Variants in BTG1 observed in about 807,000 individuals in gnomAD.
The protein encoded by BTG1 is protein BTG1.
Under a neutral mutation model 15.2 loss-of-function variants are expected in BTG1, and 2 were observed. That is an observed-to-expected ratio of 0.13 (90% CI 0.05 to 0.41). The LOEUF is 0.41. BTG1 is among the 10% of genes least tolerant of loss of function. The probability of loss-of-function intolerance (pLI) is 0.99; values close to 1 mark genes in which losing one functional copy is unlikely to be tolerated. For missense variants in BTG1, 149 were observed against 215.0 expected, an observed-to-expected ratio of 0.69 and a Z score of 1.92; for synonymous variants, 109 against 82.4, an observed-to-expected ratio of 1.32 and a Z score of -1.75.
rs544927217 is a variant in BTG1, at chr12:92,144,123, G to C, written c.473C>G (p.Thr158Arg). Residue 158 changes from threonine to arginine, a missense_variant, in exon 2 of 2, where the codon ACG becomes AGG. Physicochemically the swap from Thr to Arg is moderately conservative, Grantham distance 71. Coordinates refer to ENST00000256015, the MANE Select transcript of BTG1 (RefSeq NM_001731.3). ...CATATTGTAGTTTTTGGAAGGGCTC[G>C]TTCTGCCCAAGAGAAGTTCCTCCTT... ...SCKEELLLGRTSPSKNYNMMT... is the reference protein window; with the variant it reads ...SCKEELLLGRRSPSKNYNMMT... The C allele has an allele frequency of 4.3e-6, 7 of 1,613,478 alleles. No individual in the cohort carries two copies. Among genetic ancestry groups the C allele is most frequent in the Admixed American group, 1.7e-5 (1 of 60,010 alleles).
chr12:92,142,797 G>T lies in BTG1; in HGVS notation c.*1283C>A, dbSNP rs543966662. The T allele has an allele frequency of 4.3e-6, 1 of 232,872 alleles. No homozygotes were observed. Among genetic ancestry groups the T allele is most frequent in the Non-Finnish European group, 8.5e-6 (1 of 117,944 alleles). The allele number at this position is 232,872 out of a possible 1,614,324, so 14.4% of individuals were successfully genotyped here. ...TGTTTTTCAAAGGTGGGTCAGAATG[G>T]AACATTTATATCTTCACTTCAACAG... On this transcript the variant is annotated 3_prime_UTR_variant, in exon 2 of 2. Transcript: ENST00000256015.
At position 92,143,476 on chromosome 12, in the gene BTG1, A is replaced by T; in HGVS notation, c.*604T>A. ...GTGTCTTTTTAAGGGTCTTTTTTAA[A>T]GCCTGTTGCCATGGCAGATTCTGGT... On this transcript the variant is annotated 3_prime_UTR_variant, in exon 2 of 2. Transcript: ENST00000256015. The T allele has an allele frequency of 4.3e-6, 1 of 233,984 alleles. No individual in the cohort carries two copies. The highest frequency in any genetic ancestry group is 8.5e-6 in the Non-Finnish European group (1 of 118,266). The allele number at this position is 233,984 out of a possible 1,614,324, so 14.5% of individuals were successfully genotyped here.
rs1870232348 is a variant in BTG1 at position 92,141,610 on chromosome 12, G to A, written c.*2470C>T. ...ATAAAATATTTCAAAACATTCCCCA[G>A]AAACAGTGAACAAGAAATACATCAC... On this transcript the variant is annotated 3_prime_UTR_variant, in exon 2 of 2. Transcript: ENST00000256015. The A allele has an allele frequency of 8.7e-6, 2 of 230,862 alleles. No homozygotes were observed. Among genetic ancestry groups the A allele is most frequent in the South Asian group, 1.8e-4 (1 of 5,512 alleles). 14.3% of individuals were successfully genotyped at this position (230,862 alleles called of 1,614,324 possible).
rs1164471395 is a variant in BTG1, at chr12:92,141,824, T to A, written c.*2256A>T. The A allele has an allele frequency of 4.3e-6, 1 of 232,062 alleles. No individual in the cohort carries two copies. Among genetic ancestry groups the A allele is most frequent in the Non-Finnish European group, 8.5e-6 (1 of 117,378 alleles). The allele number at this position is 232,062 out of a possible 1,614,324, so 14.4% of individuals were successfully genotyped here. A position where few individuals can be genotyped will look rare whatever the true frequency, so the allele number is the denominator to read the frequency against. On this transcript the variant is annotated 3_prime_UTR_variant, in exon 2 of 2. Transcript: ENST00000256015. ...TAAACATTTTTATTAACTGTTTCCATCATTTTCAAAGATTGAAAAAGTCTG... is the reference window on the plus strand; with the variant it reads ...TAAACATTTTTATTAACTGTTTCCAACATTTTCAAAGATTGAAAAAGTCTG...
Position 92,145,667 on chromosome 12 carries a change from T to A in BTG1, c.-132A>T. On this transcript the variant is annotated 5_prime_UTR_variant, in exon 1 of 2. An upstream open reading frame in the 5' UTR loses its in-frame stop. Transcript: ENST00000256015. ...AGAGAGGGCGTGAGGGGCGGACGAC[T>A]ACTTTTGTCTTTCTTTCTTTAGACT... is the stretch of plus-strand genomic sequence containing the variant. The A allele has an allele frequency of 3.8e-6, 2 of 528,896 alleles. No homozygotes were observed. The highest frequency in any genetic ancestry group is 5.8e-6 in the Non-Finnish European group (2 of 342,094). The allele number at this position is 528,896 out of a possible 1,614,324, so 32.8% of individuals were successfully genotyped here. A position where few individuals can be genotyped will look rare whatever the true frequency, so the allele number is the denominator to read the frequency against.
At position 92,143,926 on chromosome 12, in the gene BTG1, TA is replaced by T; in HGVS notation, c.*153del. 7.0e-6 allele frequency: 6 copies of T among 860,258 alleles called. No homozygotes were observed. Among genetic ancestry groups the T allele is most frequent in the Admixed American group, 3.7e-5 (1 of 26,886 alleles). 53.3% of individuals were successfully genotyped at this position (860,258 alleles called of 1,614,324 possible). A position where few individuals can be genotyped will look rare whatever the true frequency, so the allele number is the denominator to read the frequency against. On this transcript the variant is annotated 3_prime_UTR_variant, in exon 2 of 2. Coordinates refer to ENST00000256015, the MANE Select transcript of BTG1 (RefSeq NM_001731.3). ...CTGTCCAAACTATGGCACTGTCACT[TA>T]AAATTTTTTTTTTTTTTACCATTCT...
In BTG1 at chr12:92,145,651, G is replaced by GT. The variant is rs1565856113; in HGVS notation, c.-117dup. ...CGGAAGGCTGAGAGGAAGAGAGGGC[G>GT]TGAGGGGCGGACGACTACTTTTGTC... is the stretch of plus-strand genomic sequence containing the variant. On this transcript the variant is annotated 5_prime_UTR_variant, in exon 1 of 2. Transcript: ENST00000256015. 9.3e-6 allele frequency: 6 copies of GT among 646,928 alleles called. No individual in the cohort carries two copies. Among genetic ancestry groups the GT allele is most frequent in the South Asian group, 6.7e-5 (1 of 14,934 alleles). The allele number at this position is 646,928 out of a possible 1,614,324, so 40.1% of individuals were successfully genotyped here.
intron 1 of BTG1, 61 bp from the exon 2 acceptor site, chr12:92,144,508 T>C (rs548608470): frequency 6.3e-7 from 1 of 1,591,224 alleles, no homozygotes; most frequent in Non-Finnish European, 8.5e-7. Context: ...CACTGCGGAT[T>C]CCTCCTACCC....
Position 92,141,925 on chromosome 12 carries a change from T to TA in BTG1, c.*2154dup, listed in dbSNP as rs1281231814. The TA allele has an allele frequency of 8.6e-6, 2 of 232,326 alleles. No individual in the cohort carries two copies. Among genetic ancestry groups the TA allele is most frequent in the Non-Finnish European group, 1.7e-5 (2 of 117,586 alleles). The allele number at this position is 232,326 out of a possible 1,614,324, so 14.4% of individuals were successfully genotyped here. On this transcript the variant is annotated 3_prime_UTR_variant, in exon 2 of 2. Transcript: ENST00000256015. ...AAAAAAAAAAAATGGTTGAGGTACT[T>TA]AGTTTCAATGGAGTTACCAGATGAA...
chr12:92,145,811 A>T lies in BTG1; in HGVS notation c.-276T>A. 3.8e-6 allele frequency: 1 copy of T among 260,686 alleles called. No individual in the cohort carries two copies. The highest frequency in any genetic ancestry group is 7.3e-6 in the Non-Finnish European group (1 of 137,506). The allele number at this position is 260,686 out of a possible 1,614,324, so 16.1% of individuals were successfully genotyped here. A position where few individuals can be genotyped will look rare whatever the true frequency, so the allele number is the denominator to read the frequency against. On this transcript the variant is annotated 5_prime_UTR_variant, in exon 1 of 2. Coordinates refer to ENST00000256015, the MANE Select transcript of BTG1 (RefSeq NM_001731.3). ...CCGCCTCCAGCTCCGCAGCATTCGA[A>T]GATCTCAATAGCTGCATTTCCAGCT...
Position 92,142,135 on chromosome 12 carries a change from T to C in BTG1, c.*1945A>G, listed in dbSNP as rs1303755640. 4.3e-6 allele frequency: 1 copy of C among 232,178 alleles called. No homozygotes were observed. The allele number at this position is 232,178 out of a possible 1,614,324, so 14.4% of individuals were successfully genotyped here. A position where few individuals can be genotyped will look rare whatever the true frequency, so the allele number is the denominator to read the frequency against. On this transcript the variant is annotated 3_prime_UTR_variant, in exon 2 of 2. Coordinates refer to ENST00000256015, the MANE Select transcript of BTG1 (RefSeq NM_001731.3). ...GTGTTGCGGGTCTACGAATTCTAAC[T>C]CTCGAGAATGGTGTGCCAATAATAT...
At position 92,143,471 on chromosome 12, in the gene BTG1, T is replaced by A. The variant is rs575176493; in HGVS notation, c.*609A>T. On this transcript the variant is annotated 3_prime_UTR_variant, in exon 2 of 2. Coordinates refer to ENST00000256015, the MANE Select transcript of BTG1 (RefSeq NM_001731.3). ...AGACAGTGTCTTTTTAAGGGTCTTT[T>A]TTAAAGCCTGTTGCCATGGCAGATT... The A allele has an allele frequency of 8.5e-6, 2 of 234,082 alleles. No individual in the cohort carries two copies. Among genetic ancestry groups the A allele is most frequent in the African/African-American group, 4.4e-5 (2 of 45,492 alleles). The allele number at this position is 234,082 out of a possible 1,614,324, so 14.5% of individuals were successfully genotyped here. A position where few individuals can be genotyped will look rare whatever the true frequency, so the allele number is the denominator to read the frequency against.
At position 92,140,911 on chromosome 12, in the gene BTG1, TA is replaced by T. The variant is rs1870172086; in HGVS notation, c.*3168del. 1 of 232,704 alleles carries T rather than the reference TA, an allele frequency of 4.3e-6. No homozygotes were observed. Among genetic ancestry groups the T allele is most frequent in the East Asian group, 6.1e-5 (1 of 16,472 alleles). The allele number at this position is 232,704 out of a possible 1,614,324, so 14.4% of individuals were successfully genotyped here. A position where few individuals can be genotyped will look rare whatever the true frequency, so the allele number is the denominator to read the frequency against. ...GAGGATTTTATCACATCATTTGAAA[TA>T]GGGGTGAAAAGGGGAGAGGAAGTAT... On this transcript the variant is annotated 3_prime_UTR_variant, in exon 2 of 2. Coordinates refer to ENST00000256015, the MANE Select transcript of BTG1 (RefSeq NM_001731.3).
chr12:92,142,061 CAGAAT>C lies in BTG1; in HGVS notation c.*2014_*2018del. ...TTTGAAATACCGAGGAGCTTTTTCA[CAGAAT>C]AGGTTTAAAAATAAAACCATAACAA... On this transcript the variant is annotated 3_prime_UTR_variant, in exon 2 of 2. Transcript: ENST00000256015. The C allele has an allele frequency of 4.3e-6, 1 of 231,786 alleles. No homozygotes were observed. The allele number at this position is 231,786 out of a possible 1,614,324, so 14.4% of individuals were successfully genotyped here.
At position 92,142,914 on chromosome 12, in the gene BTG1, G is replaced by C. The variant is rs1870343643; in HGVS notation, c.*1166C>G. 4.3e-6 allele frequency: 1 copy of C among 232,944 alleles called. No individual in the cohort carries two copies. The highest frequency in any genetic ancestry group is 2.2e-5 in the African/African-American group (1 of 45,318). The allele number at this position is 232,944 out of a possible 1,614,324, so 14.4% of individuals were successfully genotyped here. The stretch of plus-strand genomic sequence containing the variant: ...TTATTTCATGAGATCATTAGCCTGT[G>C]AATGTGTCCATGTTTTGACTTTAGA... On this transcript the variant is annotated 3_prime_UTR_variant, in exon 2 of 2. Transcript: ENST00000256015.
rs182299506 is a variant in BTG1 at position 92,142,564 on chromosome 12, A to G, written c.*1516T>C. On this transcript the variant is annotated 3_prime_UTR_variant, in exon 2 of 2. Transcript: ENST00000256015. ...AAGTCTGAAAATGAGGAATCGAGAA[A>G]GTCAGCATTTCAACTTTTGAGAATA... 3 of 232,826 alleles carry G rather than the reference A, an allele frequency of 1.3e-5. No homozygotes were observed. In the East Asian group the frequency reaches 1.8e-4, roughly 14 times the overall value. The allele number at this position is 232,826 out of a possible 1,614,324, so 14.4% of individuals were successfully genotyped here.
chr12:92,145,498 C>G lies in BTG1; in HGVS notation c.38G>C (p.Gly13Ala), dbSNP rs780778451. The G allele has an allele frequency of 6.3e-7, 1 of 1,581,292 alleles. No individual in the cohort carries two copies. The change falls in exon 1 of 2, where the codon GGC (glycine) becomes GCC (alanine). Residue 13 changes from glycine to alanine, a missense_variant. Gly to Ala is a moderately conservative substitution (Grantham distance 60). This residue lies in a region of BTG1 where 63 missense variants were observed against 60.8 expected (regional missense o/e 1.04). Coordinates refer to ENST00000256015, the MANE Select transcript of BTG1 (RefSeq NM_001731.3). ...PFYTRAATMI[G>A]EIAAAVSFIS... ...GAAGGACACGGCGGCGGCGATCTCG[C>G]CTATCATGGTGGCGGCCCGGGTGTA...
Position 92,144,466 on chromosome 12 carries a change from A to C in BTG1, c.149-19T>G. 6.2e-7 allele frequency: 1 copy of C among 1,609,918 alleles called. No homozygotes were observed. The highest frequency in any genetic ancestry group is 1.1e-5 in the South Asian group (1 of 90,302). On this transcript the variant is annotated intron_variant, in intron 1 of 1. Coordinates refer to ENST00000256015, the MANE Select transcript of BTG1 (RefSeq NM_001731.3). ...TAATGTTCTATAGAAGAAAAGAAGA[A>C]CAGAGAAACAACGCTTAGGATCGTT...
In BTG1 at chr12:92,142,589, A is replaced by G. The variant is rs745639535; in HGVS notation, c.*1491T>C. 2 of 232,810 alleles carry G rather than the reference A, an allele frequency of 8.6e-6. No individual in the cohort carries two copies. The highest frequency in any genetic ancestry group is 6.1e-5 in the East Asian group (1 of 16,492). 14.4% of individuals were successfully genotyped at this position (232,810 alleles called of 1,614,324 possible). ...AGTCAGCATTTCAACTTTTGAGAAT[A>G]AAAGTTCATAAACATACCTTTTGTT... On this transcript the variant is annotated 3_prime_UTR_variant, in exon 2 of 2. Transcript: ENST00000256015.
Sources: gnomAD v4.1 joint callset for allele counts on GRCh38, gnomAD v4.1.1 for gene constraint, gnomAD v4.1.1 regional missense constraint, MANE v1.5 for transcripts, NCBI Gene and HGNC (gene_info 2026-07-23, HGNC 2026-07-21) for gene names.